The following KHDRBS2 variants were observed in gnomAD, a reference collection of about 807,000 sequenced individuals.
The protein encoded by KHDRBS2 is KH domain-containing, RNA-binding, signal transduction-associated protein 2.
In KHDRBS2, 26 loss-of-function variants were observed where a neutral mutation model predicts 44.3. The observed-to-expected ratio is 0.59, with a 90% confidence interval of 0.43 to 0.81. The LOEUF is 0.81. KHDRBS2 is among the 40% of genes least tolerant of loss of function. KHDRBS2 has a pLI of 0.00. For synonymous variants in KHDRBS2, 194 were observed against 151.1 expected (o/e 1.28, Z -2.08); for missense variants, 476 against 433.1 (o/e 1.10, Z -0.88).
chr6:61,976,004 T>A (rs1452272311), intron 4 of KHDRBS2, among the ~76,000 whole-genome samples: 4 of 152,106 alleles, frequency 2.6e-5, no homozygotes, highest in Admixed American at 1.3e-4. Context: ...AACCAGCATG[T>A]CTGAAGTGCA....
chr6:62,225,602 T>C (rs1326459008), intron 1 of KHDRBS2, among the ~76,000 whole-genome samples: 1 of 152,206 alleles, frequency 6.6e-6, no homozygotes, highest in Non-Finnish European at 1.5e-5. Context: ...ACATGTGCCA[T>C]GGTGGCTTGC....
chr6:61,968,937 A>G (rs1366589059), intron 4 of KHDRBS2, among the ~76,000 whole-genome samples: 1 of 152,020 alleles, frequency 6.6e-6, no homozygotes, highest in Non-Finnish European at 1.5e-5. Flanking sequence ...GGATTGACAA[A>G]AATAAAAGAA....
At chr6:62,103,653 C>T (rs1216696895) in intron 2 of KHDRBS2, among the ~76,000 whole-genome samples, 1 of 151,524 alleles carries the variant, frequency 6.6e-6, no homozygotes, top group South Asian at 2.1e-4. Context: ...AATGGGGCTC[C>T]CTCTGGAATC....
In KHDRBS2 at chr6:61,972,716, T is replaced by C. The variant is rs144903742; in HGVS notation, c.483+5350A>G. On this transcript the variant is annotated intron_variant, in intron 4 of 8. Transcript: ENST00000281156. ...GCTTGTAGGATATTATTGCTATAAA[T>C]GTTGAACTCCTGCCGTCAGCCAGTC... Among the ~76,000 whole-genome samples, 7 of 152,350 alleles carry C rather than the reference T, an allele frequency of 4.6e-5. No homozygotes were observed. The East Asian group carries it at 1.4e-3, about 29-fold the overall frequency.
intron 7 of KHDRBS2, among the ~76,000 whole-genome samples, chr6:61,725,691 T>C (rs1002224145): frequency 6.6e-6 from 1 of 152,060 alleles, no homozygotes; most frequent in Non-Finnish European, 1.5e-5. Context: ...CTAGACAATC[T>C]ATAAGAAATG....
intron 2 of KHDRBS2, among the ~76,000 whole-genome samples, chr6:62,169,852 G>A (rs1256318773): frequency 6.6e-6 from 1 of 151,838 alleles, no homozygotes; most frequent in African/African-American, 2.4e-5. Context: ...CAGCCCTGAC[G>A]GAAGCCACAG....
rs548245988 is a variant in KHDRBS2 at position 61,996,489 on chromosome 6, G to A, written c.337-18277C>T. ...GTCTTGATAATCAAGTTTGCTAAAT[G>A]TTTTTTTCTGGGCCTTTTTATTGGC... On this transcript the variant is annotated intron_variant, in intron 3 of 8. Transcript: ENST00000281156. 3.3e-5 allele frequency among the ~76,000 whole-genome samples: 5 copies of A among 152,064 alleles called. 1 individual carries two copies. The South Asian group carries it at 1.0e-3, about 32-fold the overall frequency.
At chr6:62,149,290 A>T (rs996718602) in intron 2 of KHDRBS2, among the ~76,000 whole-genome samples, 2 of 152,104 alleles carry the variant, frequency 1.3e-5, no homozygotes, top group African/African-American at 4.8e-5. Context: ...CTCACTTTTA[A>T]TACAATGAAT....
intron 5 of KHDRBS2, among the ~76,000 whole-genome samples, chr6:61,899,737 C>T (rs551339201): frequency 4.4e-5 from 6 of 136,706 alleles, no homozygotes; most frequent in East Asian, 2.4e-4. Flanking sequence ...TTTAATGCCC[C>T]CCCCCCGCAT....
At chr6:61,859,853 A>G (rs1796667306) in intron 6 of KHDRBS2, among the ~76,000 whole-genome samples, 1 of 152,036 alleles carries the variant, frequency 6.6e-6, no homozygotes, top group African/African-American at 2.4e-5. Context: ...GAAGTTTTAG[A>G]AGCTGAAGAT....
chr6:62,198,818 C>A (rs1345639241), intron 1 of KHDRBS2, among the ~76,000 whole-genome samples: 1 of 152,106 alleles, frequency 6.6e-6, no homozygotes, highest in African/African-American at 2.4e-5. Context: ...CCCTGATGAA[C>A]ATTGATGCAA....
chr6:62,082,523 G>C (rs2127356154), intron 2 of KHDRBS2, among the ~76,000 whole-genome samples: 1 of 152,176 alleles, frequency 6.6e-6, no homozygotes, highest in South Asian at 2.1e-4. Context: ...TCCTTTCATG[G>C]AAACGATTTC....
the KHDRBS2 span, among the ~76,000 whole-genome samples, chr6:61,557,828 G>C: frequency 6.6e-6 from 1 of 152,068 alleles, no homozygotes; most frequent in African/African-American, 2.4e-5. Context: ...CTTGTCATTG[G>C]TCTGTTGAGG....
intron 5 of KHDRBS2, among the ~76,000 whole-genome samples, chr6:61,896,204 G>A (rs1208520356): frequency 1.3e-5 from 2 of 152,144 alleles, no homozygotes; most frequent in African/African-American, 4.8e-5. Context: ...AGCAAGATGA[G>A]CATATGTCCA....
chr6:61,682,846 T>G (rs985603984), intron 8 of KHDRBS2, among the ~76,000 whole-genome samples: 1 of 151,846 alleles, frequency 6.6e-6, no homozygotes, highest in African/African-American at 2.4e-5. Context: ...ATAAAACTGT[T>G]TTTGGTGTAC....
intron 6 of KHDRBS2, among the ~76,000 whole-genome samples, chr6:61,814,834 T>C (rs1398068570): frequency 6.6e-6 from 1 of 151,964 alleles, no homozygotes; most frequent in East Asian, 1.9e-4. Flanking sequence ...ATTTATACAG[T>C]TGTTCCTCAG....
chr6:61,751,637 G>A (rs1279738501), intron 6 of KHDRBS2, among the ~76,000 whole-genome samples: 2 of 152,272 alleles, frequency 1.3e-5, no homozygotes, highest in Non-Finnish European at 2.9e-5. Context: ...GTAGGAAGGA[G>A]CTGCTATTTT....
At chr6:62,270,335 C>T (rs1292331937) in intron 1 of KHDRBS2, among the ~76,000 whole-genome samples, 1 of 131,378 alleles carries the variant, frequency 7.6e-6, no homozygotes, top group African/African-American at 2.8e-5. Flanking sequence ...ACCCACCCCC[C>T]GCCCACCTTT....
chr6:61,781,331 T>C (rs1309132676), intron 6 of KHDRBS2, among the ~76,000 whole-genome samples: 1 of 152,162 alleles, frequency 6.6e-6, no homozygotes, highest in African/African-American at 2.4e-5. Context: ...ATAATATTCA[T>C]AATATAAATG....
Sources: gnomAD v4.1 joint callset for allele counts (sites outside exome capture counted in the v4.1 genomes callset) on GRCh38, gnomAD v4.1.1 for gene constraint, MANE v1.5 for transcripts, NCBI Gene and HGNC (gene_info 2026-07-23, HGNC 2026-07-21) for gene names.